Variants in OSBPL1A observed in about 807,000 individuals in gnomAD.
OSBPL1A encodes oxysterol binding protein like 1A, also known as oxysterol-binding protein-related protein 1.
OSBPL1A carries 80 observed loss-of-function variants against 137.1 expected under a neutral mutation model. The observed-to-expected ratio is 0.58, with a 90% confidence interval of 0.49 to 0.70. OSBPL1A has a LOEUF of 0.70. Among genes scored for constraint, OSBPL1A ranks in the 30% least tolerant of loss-of-function variants. The pLI is 0.00. For missense variants in OSBPL1A, 970 were observed against 1,129.4 expected (o/e 0.86, Z 2.02); for synonymous variants, 365 against 389.7 (o/e 0.94, Z 0.75).
chr18:24,297,128 G>A (rs2090306691), intron 14 of OSBPL1A, among the ~76,000 whole-genome samples: 1 of 151,944 alleles, frequency 6.6e-6, no homozygotes, highest in South Asian at 2.1e-4. Flanking sequence ...TCTGGTCATG[G>A]GCTTTTTTTG....
intron 7 of OSBPL1A, chr18:24,321,880 T>A (rs1471367834): frequency 3.0e-6 from 1 of 338,864 alleles, no homozygotes; most frequent in Non-Finnish European, 5.7e-6. Flanking sequence ...GGTACATCAA[T>A]TAATTATGCT....
chr18:24,355,520 A>G (rs1019291240), intron 4 of OSBPL1A, among the ~76,000 whole-genome samples: 8 of 152,064 alleles, frequency 5.3e-5, no homozygotes, highest in African/African-American at 1.9e-4. Flanking sequence ...AACAAAAAAC[A>G]GCAACAACAA....
chr18:24,170,322 T>C lies in OSBPL1A; in HGVS notation c.2418+5A>G, dbSNP rs752360362. 15 of 1,614,096 alleles carry C rather than the reference T, an allele frequency of 9.3e-6. No individual in the cohort carries two copies. In the East Asian group the frequency reaches 3.1e-4, roughly 34 times the overall value. On this transcript the variant is annotated splice_donor_5th_base_variant and intron_variant, in intron 24 of 27. Coordinates refer to ENST00000319481, the MANE Select transcript of OSBPL1A (RefSeq NM_080597.4). ...TCCTTCGATACCACCTTACAGGATG[T>C]TCACCTGTTTGCTGTTCTTCTTCTC...
intron 1 of OSBPL1A, among the ~76,000 whole-genome samples, chr18:24,394,334 T>C (rs1030047024): frequency 6.6e-5 from 10 of 152,346 alleles, no homozygotes; most frequent in Middle Eastern, 3.4e-3. Context: ...TAATGTTTCT[T>C]AAAATTAGTA....
rs149851925 is a variant in OSBPL1A at position 24,253,560 on chromosome 18, A to G, written c.1282-14178T>C. On this transcript the variant is annotated intron_variant, in intron 15 of 27. Transcript: ENST00000319481. ...TGTGGGAGACCAGAGTTTTATTATT[A>G]CTCAAATCAGTCTCTCTAGCATTTG... is the stretch of plus-strand genomic sequence containing the variant. 6.1e-3 allele frequency among the ~76,000 whole-genome samples: 930 copies of G among 152,300 alleles called. 9 individuals are homozygous for G. The highest frequency in any genetic ancestry group is 0.021 in the African/African-American group (855 of 41,558).
chr18:24,308,038 G>T (rs1218311351), intron 13 of OSBPL1A, among the ~76,000 whole-genome samples: 7 of 151,878 alleles, frequency 4.6e-5, no homozygotes, highest in Non-Finnish European at 1.0e-4. Context: ...TGCCCGCCTC[G>T]GGAATCATTT....
intron 14 of OSBPL1A, among the ~76,000 whole-genome samples, chr18:24,283,152 C>A (rs1424440513): frequency 6.6e-6 from 1 of 150,722 alleles, no homozygotes; most frequent in African/African-American, 2.4e-5. Flanking sequence ...GTAATCCCAG[C>A]TACTCGGGAG....
At chr18:24,217,298 C>T (rs2087736018) in intron 17 of OSBPL1A, among the ~76,000 whole-genome samples, 1 of 145,344 alleles carries the variant, frequency 6.9e-6, no homozygotes, top group Non-Finnish European at 1.5e-5. Flanking sequence ...TGCTCTGTCA[C>T]TCAGGCTGGA....
intron 21 of OSBPL1A, among the ~76,000 whole-genome samples, chr18:24,174,193 G>A (rs2086366498): frequency 6.9e-6 from 1 of 144,466 alleles, no homozygotes; most frequent in South Asian, 2.3e-4. Context: ...GTAAACATTT[G>A]TATACAGGTT....
intron 13 of OSBPL1A, among the ~76,000 whole-genome samples, chr18:24,307,602 A>G (rs901402473): frequency 4.6e-5 from 7 of 152,214 alleles, no homozygotes; most frequent in Non-Finnish European, 2.9e-5. Flanking sequence ...TTTCCTCCCA[A>G]GTAGTATCAT....
At position 24,269,851 on chromosome 18, in the gene OSBPL1A, AACACAC is replaced by A. The variant is rs147895357; in HGVS notation, c.1281+10985_1281+10990del. On this transcript the variant is annotated intron_variant, in intron 15 of 27. Transcript: ENST00000319481. ...GAGTCACATCAAGCATGACAAGCCTAACACACACACACACACACACACACACACACA... is the reference window on the plus strand; with the variant it reads ...GAGTCACATCAAGCATGACAAGCCTAACACACACACACACACACACACACA... Among the ~76,000 whole-genome samples, 517 of 140,070 alleles carry A rather than the reference AACACAC, an allele frequency of 3.7e-3. 2 individuals carry two copies. Among genetic ancestry groups the A allele is most frequent in the African/African-American group, 0.012 (457 of 37,174 alleles). The allele number at this position is 140,070 out of a possible 152,430, so 91.9% of individuals were successfully genotyped here.
intron 17 of OSBPL1A, among the ~76,000 whole-genome samples, chr18:24,203,507 G>A (rs2087279268): frequency 6.6e-6 from 1 of 152,172 alleles, no homozygotes; most frequent in Non-Finnish European, 1.5e-5. Context: ...CACATCGACA[G>A]ACACAGGTAT....
chr18:24,382,387 A>C (rs1906658525), intron 1 of OSBPL1A, among the ~76,000 whole-genome samples: 1 of 147,658 alleles, frequency 6.8e-6, no homozygotes, highest in Admixed American at 6.9e-5. Flanking sequence ...AGCCTGGGCA[A>C]CAGAGTGAGA....
chr18:24,277,506 A>G (rs1349421797), intron 15 of OSBPL1A, among the ~76,000 whole-genome samples: 5 of 152,220 alleles, frequency 3.3e-5, no homozygotes, highest in East Asian at 3.8e-4. Context: ...CTTTAAAACA[A>G]TCCCTTTTGG....
chr18:24,199,291 G>A (rs987396247), intron 17 of OSBPL1A, among the ~76,000 whole-genome samples: 1 of 152,108 alleles, frequency 6.6e-6, no homozygotes, highest in African/African-American at 2.4e-5. Context: ...ACAAAAGCTG[G>A]GGGTGTGGCG....
chr18:24,356,310 T>C (rs1330401199), intron 4 of OSBPL1A, among the ~76,000 whole-genome samples: 1 of 152,206 alleles, frequency 6.6e-6, no homozygotes, highest in Non-Finnish European at 1.5e-5. Context: ...AAACATGAAC[T>C]GTCGTGAATT....
intron 24 of OSBPL1A, 140 bp from the exon 25 acceptor site, chr18:24,167,585 A>G: frequency 1.4e-6 from 1 of 694,026 alleles, no homozygotes; most frequent in Non-Finnish European, 2.6e-6. Context: ...CATGTATAGA[A>G]ATCTGCTATA....
chr18:24,253,856 AGACT>A (rs1370874159), intron 15 of OSBPL1A, among the ~76,000 whole-genome samples: 1 of 152,202 alleles, frequency 6.6e-6, no homozygotes, highest in African/African-American at 2.4e-5. Flanking sequence ...AGGGAGGTTC[AGACT>A]CTTGGAGCCA....
At chr18:24,260,369 A>AGCATTACTATT (rs2089414158) in intron 15 of OSBPL1A, among the ~76,000 whole-genome samples, 1 of 152,260 alleles carries the variant, frequency 6.6e-6, no homozygotes, top group South Asian at 2.1e-4. Context: ...AAACATTCAC[A>AGCATTACTATT]GCATTACTAT....
Sources: allele counts gnomAD v4.1 joint callset (sites outside exome capture counted in the v4.1 genomes callset), GRCh38; gene constraint gnomAD v4.1.1; transcripts MANE v1.5; gene names NCBI Gene and HGNC (gene_info 2026-07-23, HGNC 2026-07-21).